PLXNA2: variants seen among roughly 807,000 people sequenced by gnomAD.
The protein encoded by PLXNA2 is plexin A2.
In PLXNA2, 91 loss-of-function variants were observed where a neutral mutation model predicts 193.5. The ratio of observed to expected loss-of-function variants is 0.47; its 90% CI spans 0.40 to 0.56. The LOEUF is 0.56. PLXNA2 is among the 20% of genes least tolerant of loss of function. The pLI is 0.00. For synonymous variants in PLXNA2, 997 were observed against 1,027.3 expected (o/e 0.97, Z 0.56); for missense variants, 1,995 against 2,503.2 (o/e 0.80, Z 4.33).
rs1402907453 is a variant in PLXNA2, at chr1:208,082,191, C to T, written c.2395+221G>A. 6.6e-6 allele frequency among the ~76,000 whole-genome samples: 1 copy of T among 152,194 alleles called. No homozygotes were observed. The highest frequency in any genetic ancestry group is 1.5e-5 in the Non-Finnish European group (1 of 68,042). ...GGAGCCAAAGAATAACGTGGATGGG[C>T]CGGCGGCCGCCCAGCGGATGCTCTG... On this transcript the variant is annotated intron_variant, in intron 11 of 31. Coordinates refer to ENST00000367033, the MANE Select transcript of PLXNA2 (RefSeq NM_025179.4). This position sits in a 1 kb window ranked among gnomAD's most constrained non-coding sequence, Gnocchi z 4.2.
At chr1:208,209,637 C>G (rs988515272) in intron 3 of PLXNA2, among the ~76,000 whole-genome samples, 6 of 152,180 alleles carry the variant, frequency 3.9e-5, no homozygotes, top group Non-Finnish European at 8.8e-5. Flanking sequence ...CCTGTGCCCT[C>G]CAGCTGGCAG....
intron 4 of PLXNA2, among the ~76,000 whole-genome samples, chr1:208,106,896 C>A (rs1396245752): frequency 6.6e-6 from 1 of 152,208 alleles, no homozygotes; most frequent in Non-Finnish European, 1.5e-5. Context: ...AGATGAAGAG[C>A]ATTCCAGGTG....
At position 208,038,960 on chromosome 1, in the gene PLXNA2, T is replaced by C; in HGVS notation, c.4525A>G (p.Asn1509Asp). ...TLILNCVNPD[N>D]ENSPEIPVKV... ...ACTGGGATCTCTGGACTGTTCTCGT[T>C]GTCAGGGTTGACGCAGTTCAGGATC... The change falls in exon 25 of 32, where the codon AAC becomes GAC. Residue 1509 changes from asparagine to aspartate, a missense_variant. By Grantham distance (23) the Asn-to-Asp change is conservative (BLOSUM62 1). This residue lies in a region of PLXNA2 where 1,291 missense variants were observed against 1,673.6 expected (regional missense o/e 0.77). Transcript: ENST00000367033. This position sits in a 1 kb window ranked among gnomAD's most constrained non-coding sequence, Gnocchi z 4.1. 6.2e-7 allele frequency: 1 copy of C among 1,614,082 alleles called. No homozygotes were observed. The highest frequency in any genetic ancestry group is 8.5e-7 in the Non-Finnish European group (1 of 1,179,982).
intron 3 of PLXNA2, among the ~76,000 whole-genome samples, chr1:208,189,089 A>C (rs1670095562): frequency 6.6e-6 from 1 of 152,200 alleles, no homozygotes; most frequent in Non-Finnish European, 1.5e-5. Context: ...GGGCAAAAAG[A>C]CAGTCATGAG....
At chr1:208,066,864 G>C (rs1000657240) in intron 12 of PLXNA2, among the ~76,000 whole-genome samples, 7 of 152,122 alleles carry the variant, frequency 4.6e-5, no homozygotes, top group African/African-American at 1.2e-4. Flanking sequence ...GTGTGTCTTT[G>C]TGTCTTAGTC....
chr1:208,218,024 G>T, intron 1 of PLXNA2, 22 bp from the exon 2 acceptor site: 1 of 1,538,470 alleles, frequency 6.5e-7, no homozygotes, highest in African/African-American at 1.4e-5. Context: ...AAGGCAGAGT[G>T]GTCAGACCAA....
intron 4 of PLXNA2, among the ~76,000 whole-genome samples, chr1:208,125,747 C>T (rs756570271): frequency 1.3e-5 from 2 of 152,212 alleles, no homozygotes; most frequent in Non-Finnish European, 2.9e-5. Context: ...TTCTCAAACA[C>T]CTGATTGAGT....
At chr1:208,103,028 G>A in intron 5 of PLXNA2, 119 bp downstream of exon 5, 1 of 743,508 alleles carries the variant, frequency 1.3e-6, no homozygotes. Flanking sequence ...GCCACGATTA[G>A]AATTACTGCT....
intron 24 of PLXNA2, 109 bp downstream of exon 24, chr1:208,039,512 C>T (rs939521085): frequency 6.8e-7 from 1 of 1,467,726 alleles, no homozygotes; most frequent in South Asian, 1.3e-5. Context: ...CCCAGACCAG[C>T]CTCCCATCCT....
At chr1:208,193,161 G>GA (rs1670239962) in intron 3 of PLXNA2, among the ~76,000 whole-genome samples, 1 of 152,210 alleles carries the variant, frequency 6.6e-6, no homozygotes, top group South Asian at 2.1e-4. Context: ...GCAGCACAGT[G>GA]AATGATGAAA....
chr1:208,147,661 G>GA (rs1398488551), intron 3 of PLXNA2, among the ~76,000 whole-genome samples: 2 of 152,168 alleles, frequency 1.3e-5, no homozygotes, highest in African/African-American at 2.4e-5. Flanking sequence ...AGAGGCACAG[G>GA]AGAGTTAGGC....
At chr1:208,047,723 T>C (rs1031711326) in intron 17 of PLXNA2, among the ~76,000 whole-genome samples, 3 of 152,248 alleles carry the variant, frequency 2.0e-5, no homozygotes, top group Non-Finnish European at 4.4e-5. Context: ...ACGAGCTTCA[T>C]GTTCAGAAAA....
chr1:208,045,599 G>T (rs1389563828), intron 18 of PLXNA2, among the ~76,000 whole-genome samples: 2 of 152,162 alleles, frequency 1.3e-5, no homozygotes, highest in African/African-American at 4.8e-5. Flanking sequence ...GACAGAAAAG[G>T]AAACAGTTAC....
intron 9 of PLXNA2, among the ~76,000 whole-genome samples, chr1:208,086,863 C>T (rs1666540938): frequency 1.3e-5 from 2 of 150,890 alleles, no homozygotes; most frequent in Non-Finnish European, 2.9e-5. Context: ...GATAACACTT[C>T]CTGTTAGCAG....
intron 3 of PLXNA2, among the ~76,000 whole-genome samples, chr1:208,150,240 C>T (rs1213352885): frequency 1.3e-5 from 2 of 152,194 alleles, no homozygotes; most frequent in East Asian, 3.8e-4. Flanking sequence ...CAGCACTGGT[C>T]CCCAATGAGT....
rs144605936 is a variant in PLXNA2 at position 208,130,048 on chromosome 1, A to G, written c.1506+12281T>C. Reference sequence around the variant, plus strand: ...TGATGACACAGTCAGCCTTCTCATCACCTGGTGGGAGTTTCAAACCCCAAC... The same window carrying G: ...TGATGACACAGTCAGCCTTCTCATCGCCTGGTGGGAGTTTCAAACCCCAAC... On this transcript the variant is annotated intron_variant, in intron 4 of 31. Coordinates refer to ENST00000367033, the MANE Select transcript of PLXNA2 (RefSeq NM_025179.4). Among the ~76,000 whole-genome samples the G allele has an allele frequency of 7.0e-3, 1,067 of 152,212 alleles. 13 individuals carry two copies. The highest frequency in any genetic ancestry group is 0.025 in the African/African-American group (1,042 of 41,532).
intron 2 of PLXNA2, among the ~76,000 whole-genome samples, chr1:208,215,825 G>A (rs1671108029): frequency 6.6e-6 from 1 of 152,166 alleles, no homozygotes; most frequent in Admixed American, 6.5e-5. Flanking sequence ...TACTTTGATG[G>A]CAGCACCATG....
In PLXNA2 at chr1:208,031,610, C is replaced by A; in HGVS notation, c.5205G>T (p.Arg1735=). The A allele has an allele frequency of 6.2e-7, 1 of 1,614,036 alleles. No individual in the cohort carries two copies. The highest frequency in any genetic ancestry group is 1.6e-4 in the Middle Eastern group (1 of 6,062). ...TTTACCAGTTGCTTTTCCAGGTGTG[C>A]CGCACATCTGTGTCATGGATGCTGT... ...DRHSIHDTDV[R]HTWKSNCLPL... Residue 1735 remains arginine, a synonymous_variant, in exon 29 of 32, where the codon CGG becomes CGT. Coordinates refer to ENST00000367033, the MANE Select transcript of PLXNA2 (RefSeq NM_025179.4).
At chr1:208,057,699 C>T (rs17011796) in intron 13 of PLXNA2, among the ~76,000 whole-genome samples, 2 of 152,150 alleles carry the variant, frequency 1.3e-5, no homozygotes, top group Non-Finnish European at 2.9e-5. Flanking sequence ...AGGAGACAAT[C>T]GCTGGAGATG....
Sources: allele counts gnomAD v4.1 joint callset (sites outside exome capture counted in the v4.1 genomes callset), GRCh38; gene constraint gnomAD v4.1.1; regional missense constraint gnomAD v4.1.1; non-coding constraint Gnocchi (gnomAD v3.1); transcripts MANE v1.5; gene names NCBI Gene and HGNC (gene_info 2026-07-23, HGNC 2026-07-21).